Variants in BNC2 observed in about 807,000 individuals in gnomAD.
BNC2 encodes the protein zinc finger protein basonuclin-2.
BNC2 carries 20 observed loss-of-function variants against 76.3 expected under a neutral mutation model. The ratio of observed to expected loss-of-function variants is 0.26; its 90% CI spans 0.18 to 0.38. The LOEUF (loss-of-function observed/expected upper bound fraction) is 0.38, where lower values mean the gene tolerates loss of function less well. Ranked by LOEUF, BNC2 falls within the 10% of genes least tolerant of loss-of-function variation. BNC2 has a pLI of 1.00. For missense variants in BNC2, 1,382 were observed against 1,399.8 expected (o/e 0.99, Z 0.20); for synonymous variants, 582 against 514.8 (o/e 1.13, Z -1.77).
chr9:16,607,041 G>A lies in BNC2; in HGVS notation c.331-23956C>T, dbSNP rs1820406810. ...CAGCTCACTGCAGCCTCAACCTCCTGGGCTCGGGCGATCTTCCTGTCTCAG... is the reference window on the plus strand; with the variant it reads ...CAGCTCACTGCAGCCTCAACCTCCTAGGCTCGGGCGATCTTCCTGTCTCAG... On this transcript the variant is annotated intron_variant, in intron 3 of 6. Coordinates refer to ENST00000380672, the MANE Select transcript of BNC2 (RefSeq NM_017637.6). Among the ~76,000 whole-genome samples the A allele has an allele frequency of 2.0e-5, 3 of 152,044 alleles. No homozygotes were observed. In the South Asian group the frequency reaches 6.2e-4, roughly 32 times the overall value.
intron 5 of BNC2, among the ~76,000 whole-genome samples, chr9:16,456,318 T>G (rs889642029): frequency 6.6e-6 from 1 of 152,112 alleles, no homozygotes; most frequent in African/African-American, 2.4e-5. Context: ...ATGTTCTATT[T>G]GCTCTATGTT....
intron 1 of BNC2, chr9:16,832,149 C>T (rs879930229): frequency 2.0e-5 from 8 of 397,524 alleles, no homozygotes; most frequent in Admixed American, 1.4e-4. Flanking sequence ...GATATTTCAA[C>T]GGTCCATTTA....
intron 1 of BNC2, among the ~76,000 whole-genome samples, chr9:16,765,856 G>C (rs561954675): frequency 2.0e-3 from 294 of 150,624 alleles, no homozygotes; most frequent in Non-Finnish European, 3.6e-3. Context: ...GCACGATCTC[G>C]GCTCACTGCA....
At chr9:16,494,871 C>T (rs1822354103) in intron 5 of BNC2, among the ~76,000 whole-genome samples, 1 of 152,020 alleles carries the variant, frequency 6.6e-6, no homozygotes, top group Admixed American at 6.6e-5. Context: ...AGGAGAAATA[C>T]CTAATGTAAA....
intron 6 of BNC2, chr9:16,429,390 A>G (rs1820862716): frequency 6.5e-6 from 1 of 152,688 alleles, no homozygotes; most frequent in Non-Finnish European, 1.5e-5. Flanking sequence ...AAAAGAAAAG[A>G]TGGGCTACAA....
chr9:16,727,433 C>A, intron 3 of BNC2: 1 of 213,378 alleles, frequency 4.7e-6, no homozygotes, highest in Non-Finnish European at 9.4e-6. Flanking sequence ...ACACTTTGGA[C>A]GAAGTGATTC....
At chr9:16,821,118 A>G (rs1818318916) in intron 1 of BNC2, among the ~76,000 whole-genome samples, 1 of 151,940 alleles carries the variant, frequency 6.6e-6, no homozygotes, top group Non-Finnish European at 1.5e-5. Flanking sequence ...CTGTAATCCC[A>G]GCTACTCGGG....
intron 5 of BNC2, among the ~76,000 whole-genome samples, chr9:16,539,793 G>A (rs941690230): frequency 0.046 from 6,122 of 134,392 alleles, 373 homozygotes; most frequent in East Asian, 0.13. Context: ...GGAAAGGAAA[G>A]GAAAGGAAAG....
At chr9:16,838,976 AG>A (rs1818766601) in intron 1 of BNC2, among the ~76,000 whole-genome samples, 1 of 152,228 alleles carries the variant, frequency 6.6e-6, no homozygotes, top group Non-Finnish European at 1.5e-5. Context: ...CAGTTTCTTA[AG>A]GAACACACGT....
intron 3 of BNC2, among the ~76,000 whole-genome samples, chr9:16,622,298 T>C (rs1820886672): frequency 6.6e-6 from 1 of 152,176 alleles, no homozygotes; most frequent in South Asian, 2.1e-4. Context: ...AGTCAATTAA[T>C]TTAAGAACCT....
At position 16,721,372 on chromosome 9, in the gene BNC2, T is replaced by C. The variant is rs528937257; in HGVS notation, c.330+6425A>G. ...GATGTCAGTTTCTTGAAAGGGTCTT[T>C]GACTCCCTTTCTCCTGTCTCCAGGG... is the stretch of plus-strand genomic sequence containing the variant. On this transcript the variant is annotated intron_variant, in intron 3 of 6. Coordinates refer to ENST00000380672, the MANE Select transcript of BNC2 (RefSeq NM_017637.6). 5.9e-5 allele frequency among the ~76,000 whole-genome samples: 9 copies of C among 152,344 alleles called. No homozygotes were observed. In the East Asian group the frequency reaches 1.3e-3, roughly 23 times the overall value.
intron 5 of BNC2, among the ~76,000 whole-genome samples, chr9:16,461,431 G>A (rs1927636): frequency 7.9e-5 from 12 of 152,142 alleles, no homozygotes; most frequent in Non-Finnish European, 1.3e-4. Context: ...GTGATAAGAG[G>A]CAAATATCTT....
At chr9:16,668,014 C>A (rs982123502) in intron 3 of BNC2, among the ~76,000 whole-genome samples, 3 of 152,194 alleles carry the variant, frequency 2.0e-5, no homozygotes, top group African/African-American at 7.2e-5. Context: ...TTATTAGGTA[C>A]GTTCCTACTA....
intron 1 of BNC2, 61 bp downstream of exon 1, chr9:16,870,585 C>G: frequency 6.3e-7 from 1 of 1,593,760 alleles, no homozygotes. Context: ...GGCGCTCGGG[C>G]GCGGGGGTCA....
In BNC2 at chr9:16,415,770, T is replaced by C. The variant is rs1324236730; in HGVS notation, c.*3219A>G. On this transcript the variant is annotated 3_prime_UTR_variant, in exon 7 of 7. Coordinates refer to ENST00000380672, the MANE Select transcript of BNC2 (RefSeq NM_017637.6). ...TTTTCCATTGCATGTACTACATCCA[T>C]CCACTCCCCTGTCCCTTTTAAGCAA... The C allele has an allele frequency of 2.0e-5, 3 of 152,180 alleles. No homozygotes were observed. Among genetic ancestry groups the C allele is most frequent in the Admixed American group, 1.3e-4 (2 of 15,272 alleles). The allele number at this position is 152,180 out of a possible 1,614,324, so 9.4% of individuals were successfully genotyped here.
In BNC2 at chr9:16,413,251, TAAAG is replaced by T. The variant is rs1820513455; in HGVS notation, c.*5734_*5737del. 1 of 151,914 alleles carries T rather than the reference TAAAG, an allele frequency of 6.6e-6. No individual in the cohort carries two copies. The highest frequency in any genetic ancestry group is 1.9e-4 in the East Asian group (1 of 5,176). The allele number at this position is 151,914 out of a possible 1,614,324, so 9.4% of individuals were successfully genotyped here. ...ACAACAGCACTTTAGAGGAGAAGAA[TAAAG>T]ATAGTTTTATGACAACTATAGTATG... On this transcript the variant is annotated 3_prime_UTR_variant, in exon 7 of 7. Transcript: ENST00000380672.
chr9:16,764,553 C>G (rs1160431958), intron 1 of BNC2, among the ~76,000 whole-genome samples: 1 of 152,126 alleles, frequency 6.6e-6, no homozygotes, highest in Non-Finnish European at 1.5e-5. Flanking sequence ...GGTTAATAAT[C>G]ATTTTACTTA....
intron 5 of BNC2, chr9:16,473,305 T>G (rs1821862917): frequency 6.6e-6 from 1 of 152,212 alleles, no homozygotes; most frequent in Admixed American, 6.5e-5. Flanking sequence ...GATCCTACTT[T>G]TTTCCCTTGT....
chr9:16,793,615 G>A (rs906936578), intron 1 of BNC2, among the ~76,000 whole-genome samples: 4 of 144,000 alleles, frequency 2.8e-5, no homozygotes, highest in African/African-American at 1.0e-4. Context: ...TCTAGATTTC[G>A]ATCCCACCCA....
Sources: gnomAD v4.1 joint callset for allele counts (sites outside exome capture counted in the v4.1 genomes callset) on GRCh38, gnomAD v4.1.1 for gene constraint, MANE v1.5 for transcripts, NCBI Gene and HGNC (gene_info 2026-07-23, HGNC 2026-07-21) for gene names.